COL8A1: variants seen among roughly 807,000 people sequenced by gnomAD.
COL8A1 encodes the protein collagen alpha-1(VIII) chain.
A neutral mutation model predicts 42.7 loss-of-function variants in COL8A1; 21 were observed. The ratio of observed to expected loss-of-function variants is 0.49; its 90% CI spans 0.35 to 0.71. The LOEUF (loss-of-function observed/expected upper bound fraction) is 0.71. Ranked by LOEUF, COL8A1 falls within the 30% of genes least tolerant of loss-of-function variation. The probability of loss-of-function intolerance (pLI) is 0.01; values close to 1 mark genes in which losing one functional copy is unlikely to be tolerated. For missense variants in COL8A1, 788 were observed against 962.4 expected, an observed-to-expected ratio of 0.82 and a Z score of 2.40; for synonymous variants, 367 against 369.1, an observed-to-expected ratio of 0.99 and a Z score of 0.06.
At chr3:99,684,593 G>C (rs1270996769) in intron 1 of COL8A1, among the ~76,000 whole-genome samples, 1 of 152,202 alleles carries the variant, frequency 6.6e-6, no homozygotes, top group East Asian at 1.9e-4. Context: ...GAAATGGACA[G>C]TAGTCAGATC....
At chr3:99,665,064 T>A (rs1357659439) in intron 1 of COL8A1, among the ~76,000 whole-genome samples, 1 of 152,182 alleles carries the variant, frequency 6.6e-6, no homozygotes, top group African/African-American at 2.4e-5. Context: ...CCTCATCACA[T>A]CCAAAAGTGG....
chr3:99,779,682 A>G (rs569590870), intron 2 of COL8A1, among the ~76,000 whole-genome samples: 2 of 152,294 alleles, frequency 1.3e-5, no homozygotes, highest in East Asian at 3.9e-4. Flanking sequence ...TTTGTTACTC[A>G]CTTATTAGAA....
At chr3:99,662,404 A>G (rs1938236041) in intron 1 of COL8A1, among the ~76,000 whole-genome samples, 1 of 151,686 alleles carries the variant, frequency 6.6e-6, no homozygotes, top group Non-Finnish European at 1.5e-5. Flanking sequence ...AAAATACAAT[A>G]ATGTTGTTAA....
intron 2 of COL8A1, among the ~76,000 whole-genome samples, chr3:99,772,916 C>T (rs1941607308): frequency 6.6e-6 from 1 of 152,158 alleles, no homozygotes; most frequent in Non-Finnish European, 1.5e-5. Flanking sequence ...TGTCTTGAAT[C>T]CAGAGTAGTC....
At chr3:99,728,083 A>C (rs1029621158) in intron 1 of COL8A1, among the ~76,000 whole-genome samples, 1 of 151,912 alleles carries the variant, frequency 6.6e-6, no homozygotes, top group Non-Finnish European at 1.5e-5. Context: ...AACTGGCACA[A>C]GACAGGGATA....
intron 2 of COL8A1, among the ~76,000 whole-genome samples, chr3:99,789,849 T>C (rs1941966689): frequency 1.3e-5 from 2 of 152,196 alleles, no homozygotes; most frequent in African/African-American, 4.8e-5. Flanking sequence ...TCTAAACTAA[T>C]GAATTCATAG....
At chr3:99,790,115 A>G (rs1433158007) in intron 2 of COL8A1, among the ~76,000 whole-genome samples, 1 of 152,246 alleles carries the variant, frequency 6.6e-6, no homozygotes, top group Non-Finnish European at 1.5e-5. Flanking sequence ...GGCACTTATT[A>G]ACAAAGCCTA....
intron 1 of COL8A1, among the ~76,000 whole-genome samples, chr3:99,673,299 C>T (rs1236094428): frequency 6.6e-6 from 1 of 151,918 alleles, no homozygotes. Flanking sequence ...TACTTTGATG[C>T]CAAAATGTGA....
chr3:99,756,070 TAA>T (rs2107419179), intron 2 of COL8A1, among the ~76,000 whole-genome samples: 1 of 151,904 alleles, frequency 6.6e-6, no homozygotes, highest in Admixed American at 6.6e-5. Context: ...ACATTTTCAT[TAA>T]AGAGATCATA....
rs2107461313 is a variant in COL8A1, at chr3:99,796,134, TA to T, written c.*3del. 1 of 1,463,292 alleles carries T rather than the reference TA, an allele frequency of 6.8e-7. No homozygotes were observed. 90.6% of individuals were successfully genotyped at this position (1,463,292 alleles called of 1,614,324 possible). A position where few individuals can be genotyped will look rare whatever the true frequency, so the allele number is the denominator to read the frequency against. On this transcript the variant is annotated frameshift_variant and stop_lost, in exon 4 of 4. Transcript: ENST00000652472. LOFTEE classifies it high-confidence loss of function. ...TTCAGGATATTTATTGTATCCCATG[TA>T]AAAACAAAAAAACAAAAAACAAAGA... is the stretch of plus-strand genomic sequence containing the variant. Reference protein sequence around the residue: ...SFSGYLLYPM* With the variant: ...SFSGYLLYPMX
intron 1 of COL8A1, among the ~76,000 whole-genome samples, chr3:99,730,140 T>G (rs972379735): frequency 6.6e-6 from 1 of 152,130 alleles, no homozygotes; most frequent in African/African-American, 2.4e-5. Flanking sequence ...CATGAAAGAA[T>G]AGAATCTTTA....
intron 1 of COL8A1, among the ~76,000 whole-genome samples, chr3:99,673,823 G>A (rs1346168075): frequency 1.3e-5 from 2 of 151,974 alleles, no homozygotes; most frequent in Non-Finnish European, 2.9e-5. Flanking sequence ...ACGTGGGGAA[G>A]ATTTTTAACC....
intron 2 of COL8A1, among the ~76,000 whole-genome samples, chr3:99,751,444 G>T (rs1941146435): frequency 6.6e-6 from 1 of 152,160 alleles, no homozygotes; most frequent in African/African-American, 2.4e-5. Flanking sequence ...TGTAATCCCA[G>T]CTACTTGGGA....
chr3:99,748,242 G>A (rs1008849684), intron 2 of COL8A1, among the ~76,000 whole-genome samples: 10 of 152,142 alleles, frequency 6.6e-5, no homozygotes, highest in African/African-American at 2.2e-4. Context: ...CACCTCCAAT[G>A]GTGGCAAAGC....
intron 2 of COL8A1, among the ~76,000 whole-genome samples, chr3:99,746,582 A>G (rs1941031256): frequency 6.6e-6 from 1 of 152,248 alleles, no homozygotes; most frequent in South Asian, 2.1e-4. Context: ...GGTGGTTATT[A>G]AAGGGCAGAG....
rs574693560 is a variant in COL8A1, at chr3:99,721,557, C to T, written c.-128-23340C>T. ...GATGCCCACAGGAGGCCAAAGGAAA[C>T]GGCTGGAAACCCGGACAGATTTGTT... is the stretch of plus-strand genomic sequence containing the variant. On this transcript the variant is annotated intron_variant, in intron 1 of 3. Coordinates refer to ENST00000652472, the MANE Select transcript of COL8A1 (RefSeq NM_020351.4). Among the ~76,000 whole-genome samples, 11 of 151,928 alleles carry T rather than the reference C, an allele frequency of 7.2e-5. No homozygotes were observed. The South Asian group carries it at 8.3e-4, about 11-fold the overall frequency.
intron 2 of COL8A1, among the ~76,000 whole-genome samples, chr3:99,779,838 T>C (rs552779439): frequency 3.3e-4 from 50 of 152,340 alleles, no homozygotes; most frequent in African/African-American, 1.2e-3. Flanking sequence ...GCCTAAGACC[T>C]TTAACATAGG....
chr3:99,682,727 G>T (rs548916668), intron 1 of COL8A1, among the ~76,000 whole-genome samples: 1 of 152,066 alleles, frequency 6.6e-6, no homozygotes, highest in Non-Finnish European at 1.5e-5. Context: ...GCTCTCCAAT[G>T]CTCAATTTCC....
intron 1 of COL8A1, among the ~76,000 whole-genome samples, chr3:99,693,131 A>C (rs541440348): frequency 3.3e-4 from 51 of 152,314 alleles, no homozygotes; most frequent in African/African-American, 7.7e-4. Context: ...TGGAGGTTGC[A>C]GTGAGCCAGG....
Sources: gnomAD v4.1 joint callset for allele counts (sites outside exome capture counted in the v4.1 genomes callset) on GRCh38, gnomAD v4.1.1 for gene constraint, MANE v1.5 for transcripts, NCBI Gene and HGNC (gene_info 2026-07-23, HGNC 2026-07-21) for gene names.